Variants in MAPKAP1 observed in about 807,000 individuals in gnomAD.
MAPKAP1 encodes MAPK associated protein 1.
Under a neutral mutation model 65.7 loss-of-function variants are expected in MAPKAP1, and 20 were observed. That is an observed-to-expected ratio of 0.30 (90% CI 0.21 to 0.44). The LOEUF (loss-of-function observed/expected upper bound fraction) is 0.44, where lower values mean the gene tolerates loss of function less well. Ranked by LOEUF, MAPKAP1 falls within the 20% of genes least tolerant of loss-of-function variation. MAPKAP1 has a pLI of 1.00. For synonymous variants in MAPKAP1, 222 were observed against 244.3 expected, an observed-to-expected ratio of 0.91 and a Z score of 0.85; for missense variants, 423 against 648.0, an observed-to-expected ratio of 0.65 and a Z score of 3.77.
chr9:125,619,485 A>C lies in MAPKAP1; in HGVS notation c.499-33758T>G, dbSNP rs573361750. On this transcript the variant is annotated intron_variant, in intron 4 of 11. Coordinates refer to ENST00000265960, the MANE Select transcript of MAPKAP1 (RefSeq NM_001006617.3). ...GAGCAAGACTCCATTTAAAAAAAAA[A>C]AAAACTGCGTTTTATTCTGTATATT... Among the ~76,000 whole-genome samples, 3 of 152,212 alleles carry C rather than the reference A, an allele frequency of 2.0e-5. No individual in the cohort carries two copies. In the South Asian group the frequency reaches 6.2e-4, roughly 32 times the overall value.
intron 4 of MAPKAP1, among the ~76,000 whole-genome samples, chr9:125,602,922 TCTCA>T (rs929376070): frequency 3.3e-5 from 5 of 151,986 alleles, no homozygotes; most frequent in Admixed American, 6.6e-5. Context: ...AAAGATGGGG[TCTCA>T]CTCTTTTGTC....
intron 4 of MAPKAP1, among the ~76,000 whole-genome samples, chr9:125,629,886 T>A (rs983060964): frequency 1.3e-5 from 2 of 152,244 alleles, no homozygotes; most frequent in Admixed American, 1.3e-4. Flanking sequence ...CACTTTTAGA[T>A]GTCCTTGGAG....
chr9:125,567,182 C>T (rs1238174759), intron 5 of MAPKAP1, among the ~76,000 whole-genome samples: 1 of 152,198 alleles, frequency 6.6e-6, no homozygotes, highest in African/African-American at 2.4e-5. Context: ...GCCTACCTCT[C>T]GGTCTCATTC....
At chr9:125,651,935 C>G (rs1287074628) in intron 4 of MAPKAP1, among the ~76,000 whole-genome samples, 1 of 152,310 alleles carries the variant, frequency 6.6e-6, no homozygotes, top group Non-Finnish European at 1.5e-5. Context: ...TCTAGAAACA[C>G]AGCCAACACT....
intron 10 of MAPKAP1, among the ~76,000 whole-genome samples, chr9:125,460,855 A>C (rs1460957647): frequency 1.3e-5 from 2 of 152,220 alleles, no homozygotes; most frequent in African/African-American, 4.8e-5. Flanking sequence ...GGCACTTTTA[A>C]ATCTCATTGT....
At chr9:125,705,403 A>C (rs1835726979) in intron 1 of MAPKAP1, among the ~76,000 whole-genome samples, 1 of 152,200 alleles carries the variant, frequency 6.6e-6, no homozygotes, top group East Asian at 1.9e-4. Context: ...ACCTCAAATT[A>C]TGAAGCATTA....
chr9:125,693,442 TACAC>T (rs1321301850), intron 1 of MAPKAP1, among the ~76,000 whole-genome samples: 1 of 141,416 alleles, frequency 7.1e-6, no homozygotes, highest in African/African-American at 2.6e-5. Context: ...TATATATATA[TACAC>T]ACACACACAC....
chr9:125,595,777 G>C lies in MAPKAP1; in HGVS notation c.499-10050C>G, dbSNP rs905079645. The C allele has an allele frequency of 5.7e-5, 70 of 1,231,240 alleles. No individual in the cohort carries two copies. Among genetic ancestry groups the C allele is most frequent in the Admixed American group, 1.2e-4 (7 of 58,320 alleles). The allele number at this position is 1,231,240 out of a possible 1,614,324, so 76.3% of individuals were successfully genotyped here. ...GCAAGAGGAGCCATTGTGAGCAATGGGGAACGCTCCCAGACTGTGTGGTAA... is the reference window on the plus strand; with the variant it reads ...GCAAGAGGAGCCATTGTGAGCAATGCGGAACGCTCCCAGACTGTGTGGTAA... On this transcript the variant is annotated intron_variant, in intron 4 of 11. Transcript: ENST00000265960. The surrounding 1 kb of genome is among the most constrained non-coding windows in gnomAD (Gnocchi z 4.0).
intron 1 of MAPKAP1, among the ~76,000 whole-genome samples, chr9:125,698,336 TAA>T (rs1237547518): frequency 0.054 from 6,060 of 112,550 alleles, 310 homozygotes; most frequent in Middle Eastern, 0.083. Flanking sequence ...TATATATATA[TAA>T]AATATATATA....
intron 7 of MAPKAP1, among the ~76,000 whole-genome samples, chr9:125,541,641 T>C (rs1439888440): frequency 1.3e-5 from 2 of 152,000 alleles, no homozygotes; most frequent in Admixed American, 6.6e-5. Flanking sequence ...TCTTCAATCA[T>C]CCCCTAAATG....
intron 7 of MAPKAP1, among the ~76,000 whole-genome samples, chr9:125,522,668 T>A (rs868583708): frequency 4.6e-5 from 7 of 152,172 alleles, no homozygotes; most frequent in African/African-American, 1.2e-4. Context: ...TTCACCCTAT[T>A]GTTAGAGTGC....
At chr9:125,462,950 C>T (rs1853551737) in intron 10 of MAPKAP1, among the ~76,000 whole-genome samples, 1 of 152,166 alleles carries the variant, frequency 6.6e-6, no homozygotes, top group Non-Finnish European at 1.5e-5. Flanking sequence ...ATGTCGACTT[C>T]CCTGGCAGCT....
intron 7 of MAPKAP1, among the ~76,000 whole-genome samples, chr9:125,507,333 A>G (rs1486102507): frequency 1.3e-5 from 2 of 152,256 alleles, no homozygotes; most frequent in Non-Finnish European, 2.9e-5. Flanking sequence ...GATTAGAGGC[A>G]TAAGAAACTG....
chr9:125,532,209 TTCTC>T (rs1389159316), intron 7 of MAPKAP1, among the ~76,000 whole-genome samples: 3 of 152,204 alleles, frequency 2.0e-5, no homozygotes, highest in African/African-American at 7.2e-5. Flanking sequence ...TGTGCTCTCT[TTCTC>T]TATATATTTA....
chr9:125,554,518 G>A (rs965586138), intron 6 of MAPKAP1, among the ~76,000 whole-genome samples: 1 of 152,288 alleles, frequency 6.6e-6, no homozygotes, highest in Non-Finnish European at 1.5e-5. Flanking sequence ...AGTTTTCTAG[G>A]TTAGGAGCGG....
chr9:125,564,327 G>A (rs534955382), intron 5 of MAPKAP1, among the ~76,000 whole-genome samples: 21 of 152,306 alleles, frequency 1.4e-4, no homozygotes, highest in African/African-American at 5.1e-4. Flanking sequence ...TAAATGTAAT[G>A]TACCAAATGG....
chr9:125,491,053 G>A (rs1329967128), intron 8 of MAPKAP1, among the ~76,000 whole-genome samples: 3 of 151,086 alleles, frequency 2.0e-5, no homozygotes, highest in African/African-American at 2.4e-5. Flanking sequence ...CAGGAGAATC[G>A]CTTGAAGCCA....
In MAPKAP1 at chr9:125,665,021, G is replaced by C. The variant is rs574906713; in HGVS notation, c.349+4797C>G. ...CTGGCTTTGAATGAAGATGAAATAG[G>C]CCAGGCACAGTGGCTCACACCTGTA... is the stretch of plus-strand genomic sequence containing the variant. On this transcript the variant is annotated intron_variant, in intron 3 of 11. Transcript: ENST00000265960. Among the ~76,000 whole-genome samples the C allele has an allele frequency of 3.9e-5, 6 of 152,202 alleles. No individual in the cohort carries two copies. The East Asian group carries it at 1.2e-3, about 29-fold the overall frequency.
intron 1 of MAPKAP1, among the ~76,000 whole-genome samples, chr9:125,687,390 C>T (rs993767043): frequency 2.6e-5 from 4 of 152,070 alleles, no homozygotes; most frequent in African/African-American, 9.7e-5. Flanking sequence ...TATGGGATGA[C>T]TTTAGGAGAG....
Sources: gnomAD v4.1 joint callset for allele counts (sites outside exome capture counted in the v4.1 genomes callset) on GRCh38, gnomAD v4.1.1 for gene constraint, Gnocchi (gnomAD v3.1) non-coding constraint, MANE v1.5 for transcripts, NCBI Gene and HGNC (gene_info 2026-07-23, HGNC 2026-07-21) for gene names.